The following SHISA9 variants were observed in gnomAD, a reference collection of about 807,000 sequenced individuals.
SHISA9 encodes shisa family member 9.
In SHISA9, 13 loss-of-function variants were observed where a neutral mutation model predicts 38.0. The observed-to-expected ratio is 0.34, with a 90% CI of 0.22 to 0.54. SHISA9 has a LOEUF of 0.54. Ranked by LOEUF, SHISA9 falls within the 20% of genes least tolerant of loss-of-function variation. The probability of loss-of-function intolerance (pLI) is 0.91; values close to 1 mark genes in which losing one functional copy is unlikely to be tolerated. For missense variants in SHISA9, 538 were observed against 575.8 expected (o/e 0.93, Z 0.67); for synonymous variants, 275 against 242.0 (o/e 1.14, Z -1.27).
At chr16:13,180,744 A>T (rs1356098281) in intron 2 of SHISA9, among the ~76,000 whole-genome samples, 2 of 152,154 alleles carry the variant, frequency 1.3e-5, no homozygotes, top group Non-Finnish European at 2.9e-5. Context: ...AATTTGTGGA[A>T]CTGAAAATGA....
At chr16:13,017,937 C>A (rs142595891) in intron 2 of SHISA9, among the ~76,000 whole-genome samples, 1 of 152,278 alleles carries the variant, frequency 6.6e-6, no homozygotes, top group Non-Finnish European at 1.5e-5. Context: ...TAAGGAAATC[C>A]CCTCCCACCT....
At chr16:13,164,169 G>C (rs1196824302) in intron 2 of SHISA9, among the ~76,000 whole-genome samples, 1 of 151,850 alleles carries the variant, frequency 6.6e-6, no homozygotes, top group African/African-American at 2.4e-5. Context: ...TCTATTCCTA[G>C]TTTGCTGAAA....
At chr16:13,045,627 A>C (rs530121518) in intron 2 of SHISA9, among the ~76,000 whole-genome samples, 78 of 151,010 alleles carry the variant, frequency 5.2e-4, no homozygotes, top group Admixed American at 5.3e-4. Flanking sequence ...AGGGAGAGGG[A>C]GAGGGAGAGG....
the SHISA9 span, among the ~76,000 whole-genome samples, chr16:13,499,672 A>G: frequency 1.3e-5 from 2 of 152,196 alleles, no homozygotes; most frequent in Non-Finnish European, 2.9e-5. Flanking sequence ...CAAAGGTCAC[A>G]GTGACTGTAC....
the SHISA9 span, among the ~76,000 whole-genome samples, chr16:13,260,217 C>T: frequency 2.9e-3 from 438 of 151,586 alleles, 3 homozygotes; most frequent in Non-Finnish European, 2.4e-3. Context: ...GGGGTTTCAC[C>T]GTGTTGGCCA....
At chr16:13,213,232 T>A (rs1264308527) in intron 3 of SHISA9, 21 bp from the exon 4 acceptor site, 2 of 1,551,130 alleles carry the variant, frequency 1.3e-6, no homozygotes, top group Non-Finnish European at 1.7e-6. Flanking sequence ...CATCAGCATT[T>A]CTTGATTGTT....
chr16:13,502,407 A>G, the SHISA9 span, among the ~76,000 whole-genome samples: 1 of 152,198 alleles, frequency 6.6e-6, no homozygotes, highest in African/African-American at 2.4e-5. Flanking sequence ...CACTAGAATA[A>G]CTTTAAGGCA....
intron 2 of SHISA9, among the ~76,000 whole-genome samples, chr16:13,103,574 T>C (rs1359424736): frequency 6.6e-6 from 1 of 152,124 alleles, no homozygotes; most frequent in Non-Finnish European, 1.5e-5. Context: ...CCTAGGCCTC[T>C]CAGTCTGTGA....
chr16:13,479,572 C>T, the SHISA9 span, among the ~76,000 whole-genome samples: 3,788 of 152,044 alleles, frequency 0.025, 149 homozygotes, highest in African/African-American at 0.084. Context: ...TCCATTTCAT[C>T]ATGCAATTAA....
chr16:13,221,166 C>A (rs1467159204), intron 4 of SHISA9, among the ~76,000 whole-genome samples: 2 of 152,156 alleles, frequency 1.3e-5, no homozygotes, highest in African/African-American at 4.8e-5. Context: ...AGATATGGTG[C>A]CCCGTGGGGA....
At chr16:13,506,537 AG>A in the SHISA9 span, among the ~76,000 whole-genome samples, 1 of 152,178 alleles carries the variant, frequency 6.6e-6, no homozygotes, top group African/African-American at 2.4e-5. Flanking sequence ...CTTGAGCAAA[AG>A]ACCTGATGGA....
the SHISA9 span, among the ~76,000 whole-genome samples, chr16:13,476,106 T>C: frequency 1.3e-5 from 2 of 152,160 alleles, no homozygotes; most frequent in Non-Finnish European, 2.9e-5. Context: ...TTGTTTTTTT[T>C]CCTCCCAGTA....
chr16:12,954,762 T>C lies in SHISA9; in HGVS notation c.691+37947T>C, dbSNP rs142375948. Among the ~76,000 whole-genome samples the C allele has an allele frequency of 6.4e-4, 97 of 152,342 alleles. 1 individual carries two copies. Among genetic ancestry groups the C allele is most frequent in the East Asian group, 4.6e-3 (24 of 5,188 alleles). ...GTTGTAGAGGGTACATGGCACATCT[T>C]GAGTTACACAGCCATTAACCAGTGA... On this transcript the variant is annotated intron_variant, in intron 2 of 4. Transcript: ENST00000558583.
chr16:13,322,535 C>T, the SHISA9 span, among the ~76,000 whole-genome samples: 1 of 152,152 alleles, frequency 6.6e-6, no homozygotes, highest in Non-Finnish European at 1.5e-5. Flanking sequence ...GAAACCCAGA[C>T]TGTGTGAGTT....
At chr16:12,928,385 AT>A (rs755256007) in intron 2 of SHISA9, among the ~76,000 whole-genome samples, 21 of 151,970 alleles carry the variant, frequency 1.4e-4, no homozygotes, top group African/African-American at 4.6e-4. Flanking sequence ...CATTGTCTGC[AT>A]TTTACAAATA....
chr16:13,013,125 T>C (rs529892252), intron 2 of SHISA9, among the ~76,000 whole-genome samples: 1 of 151,638 alleles, frequency 6.6e-6, no homozygotes, highest in East Asian at 1.9e-4. Context: ...ATCAGAGGAG[T>C]CTTTCTGGCA....
At chr16:13,345,100 ACTT>A in the SHISA9 span, among the ~76,000 whole-genome samples, 2 of 151,878 alleles carry the variant, frequency 1.3e-5, no homozygotes, top group South Asian at 2.1e-4. Context: ...GGTACATTAA[ACTT>A]CTTTTTTTTA....
intron 2 of SHISA9, among the ~76,000 whole-genome samples, chr16:13,061,307 T>A (rs2073373212): frequency 6.6e-6 from 1 of 152,196 alleles, no homozygotes; most frequent in African/African-American, 2.4e-5. Flanking sequence ...CCTACACAGA[T>A]GTCAAAATAA....
chr16:13,326,216 C>T, the SHISA9 span, among the ~76,000 whole-genome samples: 9 of 152,118 alleles, frequency 5.9e-5, no homozygotes, highest in African/African-American at 1.9e-4. Flanking sequence ...GGAAGACAAT[C>T]TGTTTTACTC....
Sources: gnomAD v4.1 joint callset for allele counts (sites outside exome capture counted in the v4.1 genomes callset) on GRCh38, gnomAD v4.1.1 for gene constraint, MANE v1.5 for transcripts, NCBI Gene and HGNC (gene_info 2026-07-23, HGNC 2026-07-21) for gene names.